S100A6: variants seen among roughly 807,000 people sequenced by gnomAD.
S100A6 encodes protein S100-A6.
S100A6 carries 3 observed loss-of-function variants against 3.5 expected under a neutral mutation model. That is an observed-to-expected ratio of 0.87 (90% CI 0.39 to 2.24). The LOEUF (loss-of-function observed/expected upper bound fraction) is 2.24. Ranked by LOEUF, S100A6 falls within the 30% of genes most tolerant of loss-of-function variation. The pLI is 0.05. For synonymous variants in S100A6, 48 were observed against 45.2 expected (o/e 1.06, Z -0.25); for missense variants, 114 against 105.3 (o/e 1.08, Z -0.36).
Position 153,534,606 on chromosome 1 carries a change from G to T in S100A6, c.*90C>A. ...GAAGCCAGGACGCAAGGGTAAATTT[G>T]ACCAAAAAAAATTTATTGTACAATT... On this transcript the variant is annotated 3_prime_UTR_variant, in exon 3 of 3. Coordinates refer to ENST00000368719, the MANE Select transcript of S100A6 (RefSeq NM_014624.4). The T allele has an allele frequency of 1.4e-6, 2 of 1,390,820 alleles. No homozygotes were observed. The highest frequency in any genetic ancestry group is 3.0e-5 in the South Asian group (2 of 66,832). 86.2% of individuals were successfully genotyped at this position (1,390,820 alleles called of 1,614,324 possible).
rs201211621 is a variant in S100A6, at chr1:153,534,785, G to A, written c.184C>T (p.Arg62Trp). Reference protein sequence around the residue: ...EIARLMEDLDRNKDQEVNFQE... With the variant: ...EIARLMEDLDWNKDQEVNFQE... ...AAGTTCACCTCCTGGTCCTTGTTCC[G>A]GTCCAAGTCTTCCATCAGCCTTGCA... Residue 62 changes from arginine to tryptophan, a missense_variant, in exon 3 of 3, where the codon CGG (arginine) becomes TGG (tryptophan). By Grantham distance (101) the Arg-to-Trp change is moderately radical (BLOSUM62 -3). Transcript: ENST00000368719. 1.2e-4 allele frequency: 194 copies of A among 1,613,840 alleles called. 1 individual carries two copies. The South Asian group carries it at 1.7e-3, about 14-fold the overall frequency.
At chr1:153,535,683 A>G (rs1665162681) in intron 1 of S100A6, 6 of 235,148 alleles carry the variant, frequency 2.6e-5, no homozygotes, top group Admixed American at 1.0e-4. Flanking sequence ...GGCAGCTTAA[A>G]CACAGCTTCA....
At position 153,534,731 on chromosome 1, in the gene S100A6, A is replaced by C; in HGVS notation, c.238T>G (p.Leu80Val). The change falls in exon 3 of 3, where the codon TTG becomes GTG. Residue 80 changes from leucine to valine, a missense_variant. Coordinates refer to ENST00000368719, the MANE Select transcript of S100A6 (RefSeq NM_014624.4). The stretch of plus-strand genomic sequence containing the variant: ...AGGGCTTCATTGTAGATCAAAGCCA[A>C]GGCCCCCAGGAAGGTGACATACTCC... ...FQEYVTFLGA[L>V]ALIYNEALKG is the part of the protein sequence containing the mutation. The C allele has an allele frequency of 3.1e-6, 5 of 1,613,550 alleles. No individual in the cohort carries two copies. Among genetic ancestry groups the C allele is most frequent in the Non-Finnish European group, 4.2e-6 (5 of 1,179,742 alleles).
Position 153,534,783 on chromosome 1 carries a change from C to A in S100A6, c.186G>T (p.Arg62=), listed in dbSNP as rs11094. 29 of 1,613,854 alleles carry A rather than the reference C, an allele frequency of 1.8e-5. No individual in the cohort carries two copies. Among genetic ancestry groups the A allele is most frequent in the East Asian group, 4.5e-5 (2 of 44,890 alleles). The part of the protein sequence containing the change: ...EIARLMEDLD[R]NKDQEVNFQE... ...GGAAGTTCACCTCCTGGTCCTTGTT[C>A]CGGTCCAAGTCTTCCATCAGCCTTG... is the stretch of plus-strand genomic sequence containing the variant. The change falls in exon 3 of 3, where the codon CGG becomes CGT. Residue 62 remains arginine, a synonymous_variant. Transcript: ENST00000368719.
intron 1 of S100A6, among the ~76,000 whole-genome samples, chr1:153,535,618 G>A (rs1407508586): frequency 1.3e-5 from 2 of 152,212 alleles, no homozygotes; most frequent in Non-Finnish European, 2.9e-5. Context: ...GTCCTTCAGG[G>A]GATCCAGAAG....
intron 2 of S100A6, 167 bp downstream of exon 2, chr1:153,535,035 C>G (rs1571229104): frequency 8.9e-7 from 1 of 1,128,450 alleles, no homozygotes; most frequent in Non-Finnish European, 1.2e-6. Flanking sequence ...CTGGAAGCAT[C>G]CCCTACCCGC....
chr1:153,535,103 G>A, intron 2 of S100A6, 99 bp downstream of exon 2: 1 of 1,521,012 alleles, frequency 6.6e-7, no homozygotes, highest in Non-Finnish European at 9.0e-7. Context: ...CAGAATGTGG[G>A]TAAATGTGAG....
At position 153,534,704 on chromosome 1, in the gene S100A6, T is replaced by A; in HGVS notation, c.265A>T (p.Lys89Ter). ...ALALIYNEAL[K>*]G ...ATCTTCCCTATTTATTTTCAGCCCT[T>A]GAGGGCTTCATTGTAGATCAAAGCC... Residue 89 changes from lysine (K) to a stop codon, truncating the protein, a stop_gained, in exon 3 of 3, where the codon AAG becomes TAG. Transcript: ENST00000368719. LOFTEE classifies it high-confidence loss of function. The A allele has an allele frequency of 1.9e-6, 3 of 1,609,514 alleles. No individual in the cohort carries two copies. Among genetic ancestry groups the A allele is most frequent in the Non-Finnish European group, 2.5e-6 (3 of 1,178,012 alleles).
chr1:153,534,794 C>G lies in S100A6; in HGVS notation c.175G>C (p.Asp59His). ...QDAEIARLMEDLDRNKDQEVN... is the reference protein window; with the variant it reads ...QDAEIARLMEHLDRNKDQEVN... Reference sequence around the variant, plus strand: ...TCCTGGTCCTTGTTCCGGTCCAAGTCTTCCATCAGCCTTGCAATTTCAGCA... The same window carrying G: ...TCCTGGTCCTTGTTCCGGTCCAAGTGTTCCATCAGCCTTGCAATTTCAGCA... Residue 59 changes from aspartate (D) to histidine (H), a missense_variant, in exon 3 of 3, where the codon GAC becomes CAC. Coordinates refer to ENST00000368719, the MANE Select transcript of S100A6 (RefSeq NM_014624.4). The G allele has an allele frequency of 1.2e-6, 2 of 1,613,844 alleles. No individual in the cohort carries two copies. The highest frequency in any genetic ancestry group is 1.7e-6 in the Non-Finnish European group (2 of 1,179,954).
intron 2 of S100A6, 185 bp downstream of exon 2, chr1:153,535,017 A>G (rs904196534): frequency 5.5e-6 from 6 of 1,098,744 alleles, no homozygotes; most frequent in Non-Finnish European, 7.7e-6. Context: ...GGAGAGATGG[A>G]TATCCGGCTG....
intron 2 of S100A6, 155 bp downstream of exon 2, chr1:153,535,047 G>A (rs1323413831): frequency 8.6e-7 from 1 of 1,159,718 alleles, no homozygotes; most frequent in Non-Finnish European, 1.2e-6. Context: ...CCTACCCGCT[G>A]GGAGAGTGGG....
Position 153,534,628 on chromosome 1 carries a change from A to C in S100A6, c.*68T>G. On this transcript the variant is annotated 3_prime_UTR_variant, in exon 3 of 3. Coordinates refer to ENST00000368719, the MANE Select transcript of S100A6 (RefSeq NM_014624.4). ...TTTGACCAAAAAAAATTTATTGTAC[A>C]ATTACCCACCACTGGATTTGACTCA... 6.8e-7 allele frequency: 1 copy of C among 1,469,526 alleles called. No homozygotes were observed. Among genetic ancestry groups the C allele is most frequent in the Non-Finnish European group, 9.1e-7 (1 of 1,102,994 alleles). 91.0% of individuals were successfully genotyped at this position (1,469,526 alleles called of 1,614,324 possible).
At chr1:153,535,577 G>C (rs1245932086) in intron 1 of S100A6, among the ~76,000 whole-genome samples, 1 of 152,206 alleles carries the variant, frequency 6.6e-6, no homozygotes, top group Non-Finnish European at 1.5e-5. Flanking sequence ...GAAGCATATA[G>C]GAACAGTAGC....
At chr1:153,534,925 T>G in intron 2 of S100A6, 95 bp from the exon 3 acceptor site, 1 of 1,481,358 alleles carries the variant, frequency 6.8e-7, no homozygotes, top group Non-Finnish European at 9.1e-7. Flanking sequence ...TGCAAGTGGC[T>G]CTGTGCTCCC....
chr1:153,535,463 A>G, intron 1 of S100A6, 103 bp from the exon 2 acceptor site: 1 of 1,253,524 alleles, frequency 8.0e-7, no homozygotes, highest in Non-Finnish European at 1.1e-6. Context: ...GGAACCACCC[A>G]GTCTCAGGCC....
At chr1:153,535,117 G>T in intron 2 of S100A6, 85 bp downstream of exon 2, 1 of 1,563,470 alleles carries the variant, frequency 6.4e-7, no homozygotes, top group Non-Finnish European at 8.7e-7. Flanking sequence ...ATGTGAGTCA[G>T]ATGCACCTGG....
intron 2 of S100A6, 142 bp from the exon 3 acceptor site, chr1:153,534,972 C>T: frequency 8.4e-7 from 1 of 1,192,610 alleles, no homozygotes; most frequent in Non-Finnish European, 1.2e-6. Flanking sequence ...GGCATTGCTT[C>T]TCCTCAGCTA....
At chr1:153,535,524 G>T in intron 1 of S100A6, 164 bp from the exon 2 acceptor site, 1 of 701,986 alleles carries the variant, frequency 1.4e-6, no homozygotes, top group Non-Finnish European at 2.3e-6. Context: ...GAAGGAGAGA[G>T]CACACTAGGG....
intron 2 of S100A6, 82 bp from the exon 3 acceptor site, chr1:153,534,912 C>A: frequency 1.3e-6 from 2 of 1,530,728 alleles, no homozygotes; most frequent in Non-Finnish European, 1.8e-6. Context: ...AGGCAATCCT[C>A]TCTGCAAGTG....
Sources: gnomAD v4.1 joint callset for allele counts (sites outside exome capture counted in the v4.1 genomes callset) on GRCh38, gnomAD v4.1.1 for gene constraint, MANE v1.5 for transcripts, NCBI Gene and HGNC (gene_info 2026-07-23, HGNC 2026-07-21) for gene names.